The following CD180 variants were observed in gnomAD, a reference collection of about 807,000 sequenced individuals.
The protein encoded by CD180 is CD180 antigen.
In CD180, 11 loss-of-function variants were observed where a neutral mutation model predicts 10.7. The ratio of observed to expected loss-of-function variants is 1.03; its 90% CI spans 0.65 to 1.70. The LOEUF (loss-of-function observed/expected upper bound fraction) is 1.70. Among genes scored for constraint, CD180 ranks in the 40% most tolerant of loss-of-function variants. The pLI is 0.00. For missense variants in CD180, 729 were observed against 775.2 expected (o/e 0.94, Z 0.71); for synonymous variants, 286 against 294.6 (o/e 0.97, Z 0.30).
intron 1 of CD180, chr5:67,186,415 A>G (rs867990625): frequency 6.6e-6 from 1 of 152,580 alleles, no homozygotes; most frequent in Non-Finnish European, 1.5e-5. Context: ...AGTATAATGT[A>G]CAGAGTATGC....
chr5:67,189,005 C>T (rs1286955724), intron 1 of CD180, among the ~76,000 whole-genome samples: 4 of 152,240 alleles, frequency 2.6e-5, no homozygotes, highest in African/African-American at 9.6e-5. Context: ...TGAATATGGA[C>T]GACCCAGAGA....
At chr5:67,193,855 G>T (rs1742352192) in intron 1 of CD180, among the ~76,000 whole-genome samples, 1 of 152,214 alleles carries the variant, frequency 6.6e-6, no homozygotes, top group South Asian at 2.1e-4. Context: ...GTGTATAAGA[G>T]TGGGGCATTT....
rs1742003926 is a variant in CD180 at position 67,179,801 on chromosome 5, T to C, written c.*3056A>G. Reference sequence around the variant, plus strand: ...GTAATTCTCTCCTGGGTTGTAGGAGTTGCAGCTCATGCAGAGAGTCCTCTG... The same window carrying C: ...GTAATTCTCTCCTGGGTTGTAGGAGCTGCAGCTCATGCAGAGAGTCCTCTG... On this transcript the variant is annotated 3_prime_UTR_variant, in exon 3 of 3. Transcript: ENST00000256447. 1 of 152,080 alleles carries C rather than the reference T, an allele frequency of 6.6e-6. No individual in the cohort carries two copies. Among genetic ancestry groups the C allele is most frequent in the Non-Finnish European group, 1.5e-5 (1 of 68,038 alleles). 9.4% of individuals were successfully genotyped at this position (152,080 alleles called of 1,614,324 possible).
chr5:67,192,521 G>A (rs1405821784), intron 1 of CD180, among the ~76,000 whole-genome samples: 3 of 152,192 alleles, frequency 2.0e-5, no homozygotes, highest in Non-Finnish European at 4.4e-5. Flanking sequence ...CTTCTGGGGA[G>A]GACTTGAGAC....
intron 2 of CD180, among the ~76,000 whole-genome samples, chr5:67,184,997 C>T (rs546379444): frequency 6.6e-6 from 1 of 151,828 alleles, no homozygotes; most frequent in African/African-American, 2.4e-5. Flanking sequence ...CAAGTTACAA[C>T]TTTTCTCAAC....
chr5:67,182,649 T>C lies in CD180; in HGVS notation c.*208A>G, dbSNP rs1742071824. 4.1e-6 allele frequency: 2 copies of C among 482,874 alleles called. No individual in the cohort carries two copies. The highest frequency in any genetic ancestry group is 1.9e-5 in the African/African-American group (1 of 51,290). 29.9% of individuals were successfully genotyped at this position (482,874 alleles called of 1,614,324 possible). On this transcript the variant is annotated 3_prime_UTR_variant, in exon 3 of 3. Coordinates refer to ENST00000256447, the MANE Select transcript of CD180 (RefSeq NM_005582.3). ...CCTCTCACAGCAGCATCTGACCCTC[T>C]GGACTGAGTCATTCGGTGTACTTGC...
chr5:67,184,326 G>T lies in CD180; in HGVS notation c.517C>A (p.Arg173=), dbSNP rs142013803. ...TGAAAATCCAGTACTTTCAGATTCC[G>T]TGCTGGGAAGTCTTTGGGGAACTTA... ...SIKFPKDFPA[R]NLKVLDFQNN... is the part of the protein sequence containing the mutation. Residue 173 remains arginine (R), a synonymous_variant, in exon 3 of 3, where the codon CGG becomes AGG. Coordinates refer to ENST00000256447, the MANE Select transcript of CD180 (RefSeq NM_005582.3). 6 of 1,614,140 alleles carry T rather than the reference G, an allele frequency of 3.7e-6. No individual in the cohort carries two copies. Among genetic ancestry groups the T allele is most frequent in the East Asian group, 2.2e-5 (1 of 44,886 alleles).
chr5:67,183,962 A>C lies in CD180; in HGVS notation c.881T>G (p.Phe294Cys). 6.2e-7 allele frequency: 1 copy of C among 1,614,108 alleles called. No homozygotes were observed. Among genetic ancestry groups the C allele is most frequent in the Non-Finnish European group, 8.5e-7 (1 of 1,180,002 alleles). ...TTCTTGGAGTTGGGTGAAGCACTGA[A>C]ATGTGGTGGATGAGATGTCAGAGAA... ...HRFSDISSTT[F>C]QCFTQLQELD... Residue 294 changes from phenylalanine to cysteine, a missense_variant, in exon 3 of 3, where the codon TTT becomes TGT. By Grantham distance (205) the Phe-to-Cys change is radical. Transcript: ENST00000256447.
intron 1 of CD180, among the ~76,000 whole-genome samples, chr5:67,193,849 AT>A (rs1176156872): frequency 1.3e-5 from 2 of 152,214 alleles, no homozygotes; most frequent in Non-Finnish European, 2.9e-5. Context: ...TTGTAGGTGT[AT>A]AAGAGTGGGG....
intron 1 of CD180, among the ~76,000 whole-genome samples, chr5:67,190,345 G>A (rs749070665): frequency 3.9e-5 from 6 of 152,202 alleles, no homozygotes; most frequent in Non-Finnish European, 7.3e-5. Context: ...AAGATGCAGA[G>A]AAGGAACACT....
At position 67,183,403 on chromosome 5, in the gene CD180, G is replaced by A; in HGVS notation, c.1440C>T (p.His480=). ...TCTTCGTGATAGTCCCATCTTGAAA[G>A]TGATTCCCTTTTAAGTTGAGATGCC... ...VLRHLNLKGN[H]FQDGTITKTN... Residue 480 remains histidine, a synonymous_variant, in exon 3 of 3, where the codon CAC becomes CAT. Coordinates refer to ENST00000256447, the MANE Select transcript of CD180 (RefSeq NM_005582.3). 2 of 1,614,214 alleles carry A rather than the reference G, an allele frequency of 1.2e-6. No homozygotes were observed. The highest frequency in any genetic ancestry group is 1.1e-5 in the South Asian group (1 of 91,082).
intron 1 of CD180, among the ~76,000 whole-genome samples, chr5:67,192,799 A>G (rs1407135295): frequency 6.6e-6 from 1 of 152,138 alleles, no homozygotes. Context: ...CCAAGTGGCA[A>G]ACTGGGCCTA....
At chr5:67,195,103 C>T (rs1488341221) in intron 1 of CD180, among the ~76,000 whole-genome samples, 1 of 152,180 alleles carries the variant, frequency 6.6e-6, no homozygotes, top group Admixed American at 6.5e-5. Flanking sequence ...CTGCCAACAC[C>T]TTGATCTTAA....
At chr5:67,191,446 T>G (rs1034508739) in intron 1 of CD180, among the ~76,000 whole-genome samples, 1 of 152,124 alleles carries the variant, frequency 6.6e-6, no homozygotes, top group Non-Finnish European at 1.5e-5. Context: ...GAACTTGGAG[T>G]TCCTTTCAAA....
chr5:67,184,288 T>C lies in CD180; in HGVS notation c.555A>G (p.Ile185Met). 3.7e-6 allele frequency: 6 copies of C among 1,614,192 alleles called. No homozygotes were observed. Among genetic ancestry groups the C allele is most frequent in the Non-Finnish European group, 4.2e-6 (5 of 1,180,010 alleles). Reference protein sequence around the residue: ...LKVLDFQNNAIHYISREDMRS... With the variant: ...LKVLDFQNNAMHYISREDMRS... ...TCATGTCTTCTCTAGAGATGTAGTGTATAGCATTATTCTGAAAATCCAGTA... is the reference window on the plus strand; with the variant it reads ...TCATGTCTTCTCTAGAGATGTAGTGCATAGCATTATTCTGAAAATCCAGTA... Residue 185 changes from isoleucine to methionine, a missense_variant, in exon 3 of 3, where the codon ATA becomes ATG. By Grantham distance (10) the Ile-to-Met change is conservative. Coordinates refer to ENST00000256447, the MANE Select transcript of CD180 (RefSeq NM_005582.3).
Position 67,180,422 on chromosome 5 carries a change from T to G in CD180, c.*2435A>C, listed in dbSNP as rs1315052259. ...ACAGAATATGCAGGGACTCAATGGG[T>G]TGGTGCTGTCTAAGACTGGATTCTT... On this transcript the variant is annotated 3_prime_UTR_variant, in exon 3 of 3. Transcript: ENST00000256447. The G allele has an allele frequency of 6.6e-6, 1 of 151,922 alleles. No homozygotes were observed. Among genetic ancestry groups the G allele is most frequent in the South Asian group, 2.1e-4 (1 of 4,826 alleles). 9.4% of individuals were successfully genotyped at this position (151,922 alleles called of 1,614,324 possible). A position where few individuals can be genotyped will look rare whatever the true frequency, so the allele number is the denominator to read the frequency against.
chr5:67,193,319 G>A (rs1284214303), intron 1 of CD180, among the ~76,000 whole-genome samples: 1 of 152,170 alleles, frequency 6.6e-6, no homozygotes, highest in Non-Finnish European at 1.5e-5. Context: ...AGTAAAGTTC[G>A]GGGTAATTTA....
chr5:67,186,881 A>T (rs1339768330), intron 1 of CD180, among the ~76,000 whole-genome samples: 97 of 129,400 alleles, frequency 7.5e-4, no homozygotes, highest in African/African-American at 3.8e-3. Flanking sequence ...TGTGAAAGAG[A>T]GAGAGAGAGA....
At chr5:67,186,107 C>G in intron 1 of CD180, 90 bp from the exon 2 acceptor site, 1 of 786,384 alleles carries the variant, frequency 1.3e-6, no homozygotes. Context: ...TTCCGAGCGG[C>G]AATCGTACTT....
Sources: allele counts gnomAD v4.1 joint callset (sites outside exome capture counted in the v4.1 genomes callset), GRCh38; gene constraint gnomAD v4.1.1; transcripts MANE v1.5; gene names NCBI Gene and HGNC (gene_info 2026-07-23, HGNC 2026-07-21).